PRKDC: variants seen among roughly 807,000 people sequenced by gnomAD.
PRKDC encodes the protein DNA-dependent protein kinase catalytic subunit.
In PRKDC, 82 loss-of-function variants were observed where a neutral mutation model predicts 486.9. That is an observed-to-expected ratio of 0.17 (90% CI 0.14 to 0.20). The LOEUF is 0.20. Among genes scored for constraint, PRKDC ranks in the 10% least tolerant of loss-of-function variants. The pLI is 1.00. For synonymous variants in PRKDC, 1,895 were observed against 1,837.0 expected, an observed-to-expected ratio of 1.03 and a Z score of -0.81; for missense variants, 4,504 against 5,038.2, an observed-to-expected ratio of 0.89 and a Z score of 3.21.
intron 51 of PRKDC, 149 bp from the exon 52 acceptor site, chr8:47,852,933 T>C (rs2088444174): frequency 4.7e-6 from 3 of 633,700 alleles, no homozygotes; most frequent in Non-Finnish European, 8.3e-6. Flanking sequence ...CATGCACAAA[T>C]GCACACATCA....
At position 47,837,276 on chromosome 8, in the gene PRKDC, G is replaced by A; in HGVS notation, c.7697C>T (p.Thr2566Ile). ...SLATNFLLEM[T>I]SMSPDYPNPM... ...GTTTGGATAATCTGGGCTCATGCTG[G>A]TCATTTCGAGCAGAAAATTTGTTGC... Residue 2566 changes from threonine (T) to isoleucine (I), a missense_variant, in exon 57 of 86, where the codon ACC (threonine) becomes ATC (isoleucine). Around this residue, in one of 6 missense-constraint regions of PRKDC, gnomAD observed 1,592 missense variants for 1,724.6 expected, o/e 0.92. Transcript: ENST00000314191. 6 of 1,613,882 alleles carry A rather than the reference G, an allele frequency of 3.7e-6. No individual in the cohort carries two copies. The highest frequency in any genetic ancestry group is 5.1e-6 in the Non-Finnish European group (6 of 1,179,844).
At chr8:47,850,165 G>C (rs745898925) in intron 52 of PRKDC, among the ~76,000 whole-genome samples, 2 of 152,162 alleles carry the variant, frequency 1.3e-5, no homozygotes, top group Non-Finnish European at 2.9e-5. Flanking sequence ...GAAGTACTCA[G>C]TAGAGTCCAC....
chr8:47,786,854 T>C (rs2086800860), intron 76 of PRKDC, among the ~76,000 whole-genome samples: 1 of 145,524 alleles, frequency 6.9e-6, no homozygotes, highest in South Asian at 2.3e-4. Flanking sequence ...CTCACCCTCC[T>C]GAGTAGCTGG....
chr8:47,836,637 T>C (rs746467891), intron 57 of PRKDC, 110 bp from the exon 58 acceptor site: 89 of 1,014,410 alleles, frequency 8.8e-5, no homozygotes, highest in Non-Finnish European at 1.0e-4. Context: ...ATCAGCATAT[T>C]TGTACCATAA....
intron 38 of PRKDC, 66 bp downstream of exon 38, chr8:47,881,350 T>C (rs566829733): frequency 1.0e-6 from 1 of 990,490 alleles, no homozygotes; most frequent in East Asian, 2.6e-5. Flanking sequence ...ATAAAAAACA[T>C]CACAAATAAA....
chr8:47,949,599 T>C (rs2090594441), intron 7 of PRKDC, among the ~76,000 whole-genome samples: 1 of 152,130 alleles, frequency 6.6e-6, no homozygotes, highest in African/African-American at 2.4e-5. Flanking sequence ...AAGGAGAGAA[T>C]TAAACATATG....
At chr8:47,850,597 A>T (rs1445647717) in intron 52 of PRKDC, among the ~76,000 whole-genome samples, 3 of 152,230 alleles carry the variant, frequency 2.0e-5, no homozygotes, top group Non-Finnish European at 4.4e-5. Context: ...CCTGAACCCC[A>T]TATAGAATAC....
intron 1 of PRKDC, among the ~76,000 whole-genome samples, chr8:47,958,765 G>A (rs2090756730): frequency 2.1e-5 from 3 of 146,104 alleles, no homozygotes; most frequent in East Asian, 2.0e-4. Flanking sequence ...GGACGGAGTC[G>A]TGCTCTGTTG....
At chr8:47,879,063 A>T (rs1266867075) in intron 39 of PRKDC, among the ~76,000 whole-genome samples, 1 of 152,238 alleles carries the variant, frequency 6.6e-6, no homozygotes, top group Non-Finnish European at 1.5e-5. Flanking sequence ...AGAAACTGGA[A>T]ATTATTGGTA....
At chr8:47,838,455 T>C (rs1486491032) in intron 56 of PRKDC, among the ~76,000 whole-genome samples, 2 of 151,730 alleles carry the variant, frequency 1.3e-5, no homozygotes. Context: ...TTACAAAAAA[T>C]AAAAAATCAG....
intron 60 of PRKDC, among the ~76,000 whole-genome samples, chr8:47,831,020 G>A (rs148028600): frequency 2.1e-3 from 325 of 152,306 alleles, no homozygotes; most frequent in African/African-American, 7.2e-3. Context: ...ACCGGCTGGA[G>A]AGCTGCATCT....
rs543264273 is a variant in PRKDC, at chr8:47,819,936, C to A, written c.9337-426G>T. ...ATGCTTCTATGCTAAATGTCACTAACCTATACTAAATGTTATTAATAAACT... is the reference window on the plus strand; with the variant it reads ...ATGCTTCTATGCTAAATGTCACTAAACTATACTAAATGTTATTAATAAACT... On this transcript the variant is annotated intron_variant, in intron 66 of 85. Transcript: ENST00000314191. Among the ~76,000 whole-genome samples the A allele has an allele frequency of 3.9e-5, 6 of 152,234 alleles. No individual in the cohort carries two copies. The South Asian group carries it at 1.2e-3, about 32-fold the overall frequency.
rs1184908540 is a variant in PRKDC at position 47,904,946 on chromosome 8, T to C, written c.2965A>G (p.Met989Val). 1.2e-6 allele frequency: 2 copies of C among 1,613,778 alleles called. No homozygotes were observed. Among genetic ancestry groups the C allele is most frequent in the Non-Finnish European group, 1.7e-6 (2 of 1,179,712 alleles). The change falls in exon 26 of 86, where the codon ATG becomes GTG. Residue 989 changes from methionine to valine, a missense_variant. Transcript: ENST00000314191. ...VTRQLYEPLV[M>V]QLIHWFTNNK... ...TTAGTGAACCAGTGAATCAGCTGCA[T>C]AACTAGTGGCTCATACAGTTGCCTT... is the stretch of plus-strand genomic sequence containing the variant.
chr8:47,829,068 T>C (rs1321777901), intron 61 of PRKDC, among the ~76,000 whole-genome samples: 1 of 152,232 alleles, frequency 6.6e-6, no homozygotes, highest in Non-Finnish European at 1.5e-5. Context: ...CATGAAAGCA[T>C]GATAAATAAA....
At chr8:47,787,479 G>A (rs775690825) in intron 76 of PRKDC, among the ~76,000 whole-genome samples, 5 of 152,150 alleles carry the variant, frequency 3.3e-5, no homozygotes, top group East Asian at 1.9e-4. Context: ...GAGGCACTTC[G>A]CTTTGGTAGA....
intron 1 of PRKDC, 89 bp from the exon 2 acceptor site, chr8:47,957,520 A>C: frequency 8.7e-7 from 1 of 1,144,960 alleles, no homozygotes; most frequent in South Asian, 1.4e-5. Context: ...TTTTCTTATT[A>C]TTTTTTTTGA....
At chr8:47,853,857 G>A (rs777801536) in intron 51 of PRKDC, among the ~76,000 whole-genome samples, 6 of 151,910 alleles carry the variant, frequency 3.9e-5, no homozygotes, top group African/African-American at 1.2e-4. Context: ...GTATAGATGC[G>A]GTCTTGCTAT....
intron 40 of PRKDC, among the ~76,000 whole-genome samples, chr8:47,876,292 GA>G (rs2089091129): frequency 6.6e-6 from 1 of 152,166 alleles, no homozygotes; most frequent in Admixed American, 6.5e-5. Context: ...ATTCAATATA[GA>G]TAAATGCCAA....
At chr8:47,798,725 T>C (rs2087032457) in intron 72 of PRKDC, among the ~76,000 whole-genome samples, 1 of 152,036 alleles carries the variant, frequency 6.6e-6, no homozygotes, top group South Asian at 2.1e-4. Flanking sequence ...AAGCAAAATA[T>C]CAAAGTAGAA....
Sources: gnomAD v4.1 joint callset for allele counts (sites outside exome capture counted in the v4.1 genomes callset) on GRCh38, gnomAD v4.1.1 for gene constraint, gnomAD v4.1.1 regional missense constraint, MANE v1.5 for transcripts, NCBI Gene and HGNC (gene_info 2026-07-23, HGNC 2026-07-21) for gene names.